CDIN1: variants seen among roughly 807,000 people sequenced by gnomAD.
The protein encoded by CDIN1 is CDAN1 interacting nuclease 1.
A neutral mutation model predicts 45.3 loss-of-function variants in CDIN1; 33 were observed. The observed-to-expected ratio is 0.73, with a 90% confidence interval of 0.55 to 0.97. The LOEUF is 0.97. CDIN1 is among the 50% of genes least tolerant of loss of function. CDIN1 has a pLI of 0.00. For synonymous variants in CDIN1, 118 were observed against 124.4 expected (o/e 0.95, Z 0.34); for missense variants, 303 against 339.4 (o/e 0.89, Z 0.84).
chr15:36,671,416 GA>G (rs1208808068), intron 5 of CDIN1, among the ~76,000 whole-genome samples: 5 of 152,038 alleles, frequency 3.3e-5, no homozygotes, highest in African/African-American at 1.2e-4. Context: ...AAAAAGGGCA[GA>G]TTTTTTTGTT....
At chr15:36,648,462 C>T (rs2040439792) in intron 3 of CDIN1, among the ~76,000 whole-genome samples, 1 of 110,716 alleles carries the variant, frequency 9.0e-6, no homozygotes, top group Non-Finnish European at 1.7e-5. Flanking sequence ...GACGGAGTCT[C>T]CCTCTGTCGC....
At chr15:36,759,062 T>C (rs568779056) in intron 10 of CDIN1, among the ~76,000 whole-genome samples, 1 of 152,136 alleles carries the variant, frequency 6.6e-6, no homozygotes, top group Admixed American at 6.5e-5. Context: ...GTTCAGTGGT[T>C]TTTGAGTTGC....
intron 5 of CDIN1, among the ~76,000 whole-genome samples, chr15:36,685,562 A>G (rs2042010563): frequency 6.6e-6 from 1 of 152,172 alleles, no homozygotes; most frequent in South Asian, 2.1e-4. Context: ...GACAAATGGG[A>G]TCTAATTAAA....
At chr15:36,696,643 T>A (rs1399684639) in intron 7 of CDIN1, 1 of 152,210 alleles carries the variant, frequency 6.6e-6, no homozygotes, top group Non-Finnish European at 1.5e-5. Flanking sequence ...TGGCCTCAAG[T>A]GATCCTTCCA....
At chr15:36,753,904 C>G (rs1377986966) in intron 10 of CDIN1, among the ~76,000 whole-genome samples, 2 of 150,736 alleles carry the variant, frequency 1.3e-5, no homozygotes, top group Non-Finnish European at 3.0e-5. Context: ...AGTCTAGATA[C>G]AAGAAAAGGG....
intron 1 of CDIN1, among the ~76,000 whole-genome samples, chr15:36,628,855 T>G (rs73379876): frequency 0.045 from 6,877 of 152,250 alleles, 520 homozygotes; most frequent in African/African-American, 0.16. Flanking sequence ...GGAGAGATTA[T>G]CCTAGAATAC....
chr15:36,744,363 C>T (rs757825617), intron 10 of CDIN1, among the ~76,000 whole-genome samples: 1 of 152,182 alleles, frequency 6.6e-6, no homozygotes, highest in African/African-American at 2.4e-5. Context: ...TCTCTAGCTG[C>T]ATCCTGGGAT....
intron 5 of CDIN1, among the ~76,000 whole-genome samples, chr15:36,680,747 G>T (rs1191804197): frequency 6.6e-6 from 1 of 152,172 alleles, no homozygotes; most frequent in African/African-American, 2.4e-5. Context: ...TGGCAAGGAA[G>T]CTTGCTTGGT....
chr15:36,580,373 CAAGG>C (rs2036986833), intron 1 of CDIN1, among the ~76,000 whole-genome samples: 1 of 152,100 alleles, frequency 6.6e-6, no homozygotes, highest in South Asian at 2.1e-4. Context: ...TGGAAACAAA[CAAGG>C]GAGCATAGAG....
At chr15:36,605,534 T>A (rs1261667280) in intron 1 of CDIN1, among the ~76,000 whole-genome samples, 1 of 152,190 alleles carries the variant, frequency 6.6e-6, no homozygotes. Context: ...AGAATAAAAA[T>A]TTTGGCTTCT....
Position 36,701,939 on chromosome 15 carries a change from C to A in CDIN1, c.544+4549C>A, listed in dbSNP as rs1595492294. The A allele has an allele frequency of 4.7e-6, 3 of 636,204 alleles. No homozygotes were observed. In the East Asian group the frequency reaches 8.2e-5, roughly 17 times the overall value. The allele number at this position is 636,204 out of a possible 1,614,324, so 39.4% of individuals were successfully genotyped here. A position where few individuals can be genotyped will look rare whatever the true frequency, so the allele number is the denominator to read the frequency against. ...TCTAAGAGTTCATCTGCCCCTGCTGCTTTATTCCTCACCTGAAGCAATAAT... is the reference window on the plus strand; with the variant it reads ...TCTAAGAGTTCATCTGCCCCTGCTGATTTATTCCTCACCTGAAGCAATAAT... On this transcript the variant is annotated intron_variant, in intron 8 of 10. Transcript: ENST00000566621.
chr15:36,719,180 C>T (rs1042362004), intron 10 of CDIN1, among the ~76,000 whole-genome samples: 6 of 152,066 alleles, frequency 3.9e-5, no homozygotes, highest in African/African-American at 9.7e-5. Context: ...CATGATCATA[C>T]CACACTGCAC....
intron 10 of CDIN1, among the ~76,000 whole-genome samples, chr15:36,772,212 A>G (rs11631729): frequency 0.81 from 123,730 of 152,020 alleles, 52,649 homozygotes; most frequent in East Asian, 0.95. Context: ...TTTTTTTAGT[A>G]AGGTGGTGTC....
At chr15:36,656,342 G>A (rs1415777530) in intron 4 of CDIN1, among the ~76,000 whole-genome samples, 3 of 152,080 alleles carry the variant, frequency 2.0e-5, no homozygotes, top group Admixed American at 2.0e-4. Context: ...CAAGAGCATT[G>A]TATTTTTATT....
intron 1 of CDIN1, among the ~76,000 whole-genome samples, chr15:36,612,548 G>A (rs2038697203): frequency 1.3e-5 from 2 of 152,184 alleles, no homozygotes; most frequent in African/African-American, 4.8e-5. Context: ...GAGGCTGCAT[G>A]AGAACAAGTT....
intron 10 of CDIN1, among the ~76,000 whole-genome samples, chr15:36,801,442 T>C (rs1358766861): frequency 5.9e-5 from 9 of 152,130 alleles, no homozygotes; most frequent in Non-Finnish European, 1.2e-4. Context: ...ACTAGAGGTA[T>C]TTTAGGAGCA....
chr15:36,596,047 A>T (rs529422097), intron 1 of CDIN1, among the ~76,000 whole-genome samples: 2 of 152,220 alleles, frequency 1.3e-5, no homozygotes, highest in East Asian at 3.9e-4. Context: ...TAAAGAATGA[A>T]CTCCTTGCCT....
At chr15:36,590,265 C>T (rs1040069379) in intron 1 of CDIN1, among the ~76,000 whole-genome samples, 2 of 152,180 alleles carry the variant, frequency 1.3e-5, no homozygotes, top group East Asian at 3.9e-4. Context: ...AATTTTTCAT[C>T]CAAAGTAAAA....
At chr15:36,618,296 G>C in intron 1 of CDIN1, 1 of 667,298 alleles carries the variant, frequency 1.5e-6, no homozygotes, top group Non-Finnish European at 2.7e-6. Context: ...AACAGATCTA[G>C]TTCAAAAAAT....
Sources: gnomAD v4.1 joint callset for allele counts (sites outside exome capture counted in the v4.1 genomes callset) on GRCh38, gnomAD v4.1.1 for gene constraint, MANE v1.5 for transcripts, NCBI Gene and HGNC (gene_info 2026-07-23, HGNC 2026-07-21) for gene names.